Variants in TOMM20 observed in about 807,000 individuals in gnomAD.
TOMM20 encodes translocase of outer mitochondrial membrane 20, also known as mitochondrial import receptor subunit TOM20 homolog.
Under a neutral mutation model 22.1 loss-of-function variants are expected in TOMM20, and 10 were observed. The observed-to-expected ratio is 0.45, with a 90% CI of 0.28 to 0.77. The LOEUF (loss-of-function observed/expected upper bound fraction) is 0.77, where lower values mean the gene tolerates loss of function less well. TOMM20 is among the 30% of genes least tolerant of loss of function. The pLI is 0.13. For missense variants in TOMM20, 121 were observed against 172.2 expected (o/e 0.70, Z 1.66); for synonymous variants, 55 against 61.4 (o/e 0.90, Z 0.49).
intron 3 of TOMM20, among the ~76,000 whole-genome samples, chr1:235,117,709 G>A (rs761446706): frequency 6.6e-6 from 1 of 152,168 alleles, no homozygotes; most frequent in Non-Finnish European, 1.5e-5. Flanking sequence ...GAAAGACTGA[G>A]AAACATTTTG....
chr1:235,128,245 A>C (rs1421453964), intron 1 of TOMM20, among the ~76,000 whole-genome samples: 1 of 152,252 alleles, frequency 6.6e-6, no homozygotes, highest in Non-Finnish European at 1.5e-5. Flanking sequence ...TTGCGACAAA[A>C]ATGCACGACT....
intron 1 of TOMM20, among the ~76,000 whole-genome samples, chr1:235,123,507 T>C (rs1322807454): frequency 6.6e-6 from 1 of 152,132 alleles, no homozygotes; most frequent in Non-Finnish European, 1.5e-5. Flanking sequence ...TCCCTACCTG[T>C]AGACAGAAGG....
At chr1:235,127,497 C>T (rs1373166371) in intron 1 of TOMM20, among the ~76,000 whole-genome samples, 3 of 152,160 alleles carry the variant, frequency 2.0e-5, no homozygotes, top group African/African-American at 7.2e-5. Flanking sequence ...GTAAGATCAG[C>T]GCTGCAGTCA....
intron 3 of TOMM20, among the ~76,000 whole-genome samples, chr1:235,119,063 T>G (rs1485825311): frequency 1.3e-5 from 2 of 152,240 alleles, no homozygotes; most frequent in African/African-American, 4.8e-5. Context: ...TCTATCTAAA[T>G]CTATTGATAC....
At chr1:235,120,935 C>T (rs554324350) in intron 2 of TOMM20, among the ~76,000 whole-genome samples, 16 of 150,756 alleles carry the variant, frequency 1.1e-4, no homozygotes, top group African/African-American at 3.7e-4. Flanking sequence ...GGTGCGGTGG[C>T]TCATGCCTGT....
intron 3 of TOMM20, among the ~76,000 whole-genome samples, chr1:235,114,966 C>T (rs1214887405): frequency 1.3e-5 from 2 of 152,036 alleles, no homozygotes; most frequent in South Asian, 2.1e-4. Flanking sequence ...ACCTCCTGGG[C>T]TCAAGCAATC....
intron 4 of TOMM20, among the ~76,000 whole-genome samples, chr1:235,113,093 G>A (rs1450187365): frequency 6.6e-6 from 1 of 152,100 alleles, no homozygotes; most frequent in Non-Finnish European, 1.5e-5. Flanking sequence ...ACACCAACTT[G>A]GGAAATCAAC....
chr1:235,123,745 G>A (rs927540293), intron 1 of TOMM20, among the ~76,000 whole-genome samples: 4 of 152,188 alleles, frequency 2.6e-5, no homozygotes, highest in South Asian at 2.1e-4. Context: ...GTTCATCACC[G>A]CACAACTAAC....
Position 235,115,054 on chromosome 1 carries a change from T to C in TOMM20, c.251-1144A>G, listed in dbSNP as rs554659567. ...CGGGCTAATTTTGCTAATTTTTTTT[T>C]TTTGTAGAAACGGGGTCTCACTATG... is the stretch of plus-strand genomic sequence containing the variant. On this transcript the variant is annotated intron_variant, in intron 3 of 4. Coordinates refer to ENST00000366607, the MANE Select transcript of TOMM20 (RefSeq NM_014765.3). 2.0e-5 allele frequency among the ~76,000 whole-genome samples: 3 copies of C among 152,022 alleles called. No individual in the cohort carries two copies. In the South Asian group the frequency reaches 6.2e-4, roughly 32 times the overall value.
intron 1 of TOMM20, among the ~76,000 whole-genome samples, chr1:235,124,170 A>C (rs924980899): frequency 3.2e-4 from 48 of 152,364 alleles, no homozygotes; most frequent in African/African-American, 1.1e-3. Flanking sequence ...GATACGGTGA[A>C]ACCCCGTCTT....
rs766941747 is a variant in TOMM20, at chr1:235,122,319, C to CTAT, written c.168+4_168+6dup. The CTAT allele has an allele frequency of 6.5e-7, 1 of 1,529,182 alleles. No individual in the cohort carries two copies. The highest frequency in any genetic ancestry group is 1.4e-5 in the African/African-American group (1 of 71,694). The allele number at this position is 1,529,182 out of a possible 1,614,324, so 94.7% of individuals were successfully genotyped here. A position where few individuals can be genotyped will look rare whatever the true frequency, so the allele number is the denominator to read the frequency against. ...ATATATAATTTAAACAGAAACCAGA[C>CTAT]TATTACCTTGGAAAGCCCAGCTCTC... On this transcript the variant is annotated splice_region_variant and intron_variant, in intron 2 of 4. Transcript: ENST00000366607.
At chr1:235,117,024 A>ACT (rs778012182) in intron 3 of TOMM20, among the ~76,000 whole-genome samples, 48 of 147,650 alleles carry the variant, frequency 3.3e-4, no homozygotes, top group Admixed American at 3.2e-3. Flanking sequence ...AGTCCCAGCT[A>ACT]CTCGGGAGGC....
intron 3 of TOMM20, among the ~76,000 whole-genome samples, chr1:235,118,309 C>G (rs1660869632): frequency 6.6e-6 from 1 of 152,186 alleles, no homozygotes; most frequent in Non-Finnish European, 1.5e-5. Context: ...ATCTATCTAT[C>G]AGCATAGGAA....
chr1:235,119,308 T>C (rs1198922269), intron 3 of TOMM20: 1 of 152,220 alleles, frequency 6.6e-6, no homozygotes, highest in East Asian at 1.9e-4. Context: ...AGATAACAAG[T>C]TGGTTCTGAA....
intron 2 of TOMM20, among the ~76,000 whole-genome samples, chr1:235,121,710 C>A (rs1324723303): frequency 6.6e-6 from 1 of 152,142 alleles, no homozygotes; most frequent in Non-Finnish European, 1.5e-5. Context: ...AAGCTGCAAG[C>A]ACAATGATTA....
chr1:235,114,521 CT>C (rs1378240105), intron 3 of TOMM20, among the ~76,000 whole-genome samples: 1 of 150,132 alleles, frequency 6.7e-6, no homozygotes, highest in Non-Finnish European at 1.5e-5. Context: ...ACTGCAGGCT[CT>C]GCTCCCCAGG....
chr1:235,118,781 C>G (rs1438126335), intron 3 of TOMM20, among the ~76,000 whole-genome samples: 1 of 152,160 alleles, frequency 6.6e-6, no homozygotes, highest in Admixed American at 6.5e-5. Flanking sequence ...TGCCTCAGTT[C>G]CCCAAAGTGC....
In TOMM20 at chr1:235,110,442, A is replaced by G. The variant is rs998931631; in HGVS notation, c.*1622T>C. 6.6e-6 allele frequency: 1 copy of G among 152,266 alleles called. No homozygotes were observed. The highest frequency in any genetic ancestry group is 2.4e-5 in the African/African-American group (1 of 41,440). 9.4% of individuals were successfully genotyped at this position (152,266 alleles called of 1,614,324 possible). ...ACTGCTTTGGATTTGGGATCCCACT[A>G]GTAAAACTAACTGGCATGTCTGTAC... On this transcript the variant is annotated 3_prime_UTR_variant, in exon 5 of 5. Transcript: ENST00000366607.
chr1:235,119,925 A>G (rs1660901355), intron 2 of TOMM20, 26 bp from the exon 3 acceptor site: 1 of 1,504,976 alleles, frequency 6.6e-7, no homozygotes, highest in African/African-American at 1.4e-5. Flanking sequence ...TTAATAAATG[A>G]CACCACAATT....
Sources: allele counts gnomAD v4.1 joint callset (sites outside exome capture counted in the v4.1 genomes callset), GRCh38; gene constraint gnomAD v4.1.1; transcripts MANE v1.5; gene names NCBI Gene and HGNC (gene_info 2026-07-23, HGNC 2026-07-21).